The following KIF5C variants were observed in gnomAD, a reference collection of about 807,000 sequenced individuals.
The protein encoded by KIF5C is kinesin heavy chain isoform 5C.
Under a neutral mutation model 125.2 loss-of-function variants are expected in KIF5C, and 18 were observed. That is an observed-to-expected ratio of 0.14 (90% CI 0.10 to 0.21). The LOEUF is 0.21. KIF5C is among the 10% of genes least tolerant of loss of function. The probability of loss-of-function intolerance (pLI) is 1.00; values close to 1 mark genes in which losing one functional copy is unlikely to be tolerated. For synonymous variants in KIF5C, 405 were observed against 434.0 expected, an observed-to-expected ratio of 0.93 and a Z score of 0.83; for missense variants, 780 against 1,183.8, an observed-to-expected ratio of 0.66 and a Z score of 5.01.
At chr2:148,938,291 T>C (rs1424805261) in intron 4 of KIF5C, among the ~76,000 whole-genome samples, 1 of 152,198 alleles carries the variant, frequency 6.6e-6, no homozygotes, top group Non-Finnish European at 1.5e-5. Context: ...AATTGAGATA[T>C]TGTTCACATA....
chr2:148,875,301 C>T lies in KIF5C; in HGVS notation c.-317C>T, dbSNP rs1163690316. ...AGGTCTGAGCCGGGCGAGGCTCGCT[C>T]CCTGCGCATCGCCTCCTCCGCCCGC... On this transcript the variant is annotated 5_prime_UTR_variant, in exon 1 of 26. Transcript: ENST00000435030. The T allele has an allele frequency of 3.7e-6, 1 of 271,340 alleles. No homozygotes were observed. The highest frequency in any genetic ancestry group is 6.9e-6 in the Non-Finnish European group (1 of 145,584). 16.8% of individuals were successfully genotyped at this position (271,340 alleles called of 1,614,324 possible).
chr2:148,989,740 AT>A (rs1282790614), intron 15 of KIF5C, among the ~76,000 whole-genome samples: 8 of 152,070 alleles, frequency 5.3e-5, no homozygotes, highest in Non-Finnish European at 8.8e-5. Flanking sequence ...ATAATTAATG[AT>A]GTTGAGCCTT....
At chr2:149,013,437 C>T (rs1682270991) in intron 25 of KIF5C, among the ~76,000 whole-genome samples, 1 of 152,194 alleles carries the variant, frequency 6.6e-6, no homozygotes, top group South Asian at 2.1e-4. Context: ...TTTCCCTGGA[C>T]AGCACTGAGC....
At position 148,925,000 on chromosome 2, in the gene KIF5C, C is replaced by A. The variant is rs1681936388; in HGVS notation, c.217+2773C>A. Among the ~76,000 whole-genome samples the A allele has an allele frequency of 6.6e-6, 1 of 152,228 alleles. No individual in the cohort carries two copies. Among genetic ancestry groups the A allele is most frequent in the African/African-American group, 2.4e-5 (1 of 41,532 alleles). Reference sequence around the variant, plus strand: ...GGAAAGAGACAGATGTGTACATAATCATCACACACATAGGCATTATGTACT... The same window carrying A: ...GGAAAGAGACAGATGTGTACATAATAATCACACACATAGGCATTATGTACT... On this transcript the variant is annotated intron_variant, in intron 2 of 25. Transcript: ENST00000435030. This position sits in a 1 kb window ranked among gnomAD's most constrained non-coding sequence, Gnocchi z 4.0.
At chr2:148,930,437 A>G (rs141032794) in intron 3 of KIF5C, among the ~76,000 whole-genome samples, 27 of 151,950 alleles carry the variant, frequency 1.8e-4, no homozygotes, top group African/African-American at 6.5e-4. Context: ...AAGCGTGGTT[A>G]TTATAAGAAA....
At chr2:148,926,438 C>T (rs1681998076) in intron 2 of KIF5C, among the ~76,000 whole-genome samples, 1 of 152,236 alleles carries the variant, frequency 6.6e-6, no homozygotes, top group Admixed American at 6.5e-5. Flanking sequence ...AACATTGTTT[C>T]TGCAGAGACT....
chr2:148,989,893 GC>G (rs1175247904), intron 15 of KIF5C, among the ~76,000 whole-genome samples: 3 of 151,956 alleles, frequency 2.0e-5, no homozygotes, highest in Non-Finnish European at 4.4e-5. Context: ...CATTTTTTTA[GC>G]CCTCAAATGT....
At chr2:149,006,539 A>T (rs1682015102) in intron 22 of KIF5C, among the ~76,000 whole-genome samples, 1 of 152,220 alleles carries the variant, frequency 6.6e-6, no homozygotes, top group Non-Finnish European at 1.5e-5. Context: ...TCAGGCTGCC[A>T]AGGTAGGGGA....
chr2:148,994,101 C>T (rs1681600285), intron 16 of KIF5C, among the ~76,000 whole-genome samples: 1 of 152,140 alleles, frequency 6.6e-6, no homozygotes, highest in Non-Finnish European at 1.5e-5. Flanking sequence ...TTTCCCAGCC[C>T]CTTTCTCTCA....
At chr2:149,000,596 A>G in intron 20 of KIF5C, 72 bp downstream of exon 20, 1 of 1,564,714 alleles carries the variant, frequency 6.4e-7, no homozygotes, top group South Asian at 1.2e-5. Flanking sequence ...GGGCTAATTT[A>G]AAAACAGACA....
rs73962006 is a variant in KIF5C at position 148,946,843 on chromosome 2, A to T, written c.590-56A>T. 152,092 of 1,591,344 alleles carry T rather than the reference A, an allele frequency of 0.096. 9,727 individuals carry two copies. Among genetic ancestry groups the T allele is most frequent in the African/African-American group, 0.3 (22,287 of 73,300 alleles). On this transcript the variant is annotated intron_variant, in intron 7 of 25. Transcript: ENST00000435030. Reference sequence around the variant, plus strand: ...CTTGTTATGCTTTTTAAATGAGAGGATTGCTACCTAAACCTACATGTTCTT... The same window carrying T: ...CTTGTTATGCTTTTTAAATGAGAGGTTTGCTACCTAAACCTACATGTTCTT...
At chr2:148,949,196 A>C (rs2089133304) in intron 8 of KIF5C, among the ~76,000 whole-genome samples, 1 of 152,240 alleles carries the variant, frequency 6.6e-6, no homozygotes, top group African/African-American at 2.4e-5. Context: ...ATAACGCAGC[A>C]AAGGAGAAAC....
intron 1 of KIF5C, among the ~76,000 whole-genome samples, chr2:148,887,031 G>T (rs769013551): frequency 1.3e-5 from 2 of 152,252 alleles, no homozygotes; most frequent in Non-Finnish European, 2.9e-5. Flanking sequence ...CTGTCCAAAT[G>T]GTAGCTGCAC....
chr2:148,936,025 T>A (rs1175065867), intron 3 of KIF5C, among the ~76,000 whole-genome samples: 1 of 152,238 alleles, frequency 6.6e-6, no homozygotes, highest in Non-Finnish European at 1.5e-5. Context: ...TGGTGGCTCA[T>A]GCCTGTAATC....
intron 2 of KIF5C, among the ~76,000 whole-genome samples, chr2:148,923,960 A>G (rs2105084583): frequency 6.6e-6 from 1 of 152,336 alleles, no homozygotes; most frequent in East Asian, 1.9e-4. Flanking sequence ...ATATGTAGTG[A>G]GCTATAAAGA....
At position 148,875,585 on chromosome 2, in the gene KIF5C, CATCCCCGTG is replaced by C; in HGVS notation, c.-32_-24del. 4.9e-6 allele frequency: 5 copies of C among 1,023,168 alleles called. No individual in the cohort carries two copies. The highest frequency in any genetic ancestry group is 7.3e-6 in the Non-Finnish European group (5 of 682,268). 63.4% of individuals were successfully genotyped at this position (1,023,168 alleles called of 1,614,324 possible). On this transcript the variant is annotated 5_prime_UTR_variant, in exon 1 of 26. Transcript: ENST00000435030. ...TCGTTCCCGGCCCCGGCCCCCCACCCATCCCCGTGCCCCCTCCCTACCGCCGGCCGAGAT... is the reference window on the plus strand; with the variant it reads ...TCGTTCCCGGCCCCGGCCCCCCACCCCCCCCTCCCTACCGCCGGCCGAGAT...
chr2:148,891,821 C>T (rs901224191), intron 1 of KIF5C, among the ~76,000 whole-genome samples: 4 of 152,184 alleles, frequency 2.6e-5, no homozygotes, highest in East Asian at 1.9e-4. Context: ...CCTCAGCCTC[C>T]GAAGTAGCTG....
intron 25 of KIF5C, among the ~76,000 whole-genome samples, chr2:149,015,508 C>T (rs566125816): frequency 6.6e-6 from 1 of 152,298 alleles, no homozygotes; most frequent in East Asian, 1.9e-4. Flanking sequence ...ATTCTTACAG[C>T]TGGATATCTT....
At chr2:148,964,846 T>G (rs192629550) in intron 11 of KIF5C, among the ~76,000 whole-genome samples, 1 of 152,194 alleles carries the variant, frequency 6.6e-6, no homozygotes, top group East Asian at 1.9e-4. Context: ...AGTCATACCT[T>G]CGCATTTTTG....
Sources: allele counts gnomAD v4.1 joint callset (sites outside exome capture counted in the v4.1 genomes callset), GRCh38; gene constraint gnomAD v4.1.1; non-coding constraint Gnocchi (gnomAD v3.1); transcripts MANE v1.5; gene names NCBI Gene and HGNC (gene_info 2026-07-23, HGNC 2026-07-21).